Variants in PDGFRL observed in about 807,000 individuals in gnomAD.
PDGFRL encodes the protein platelet-derived growth factor receptor-like protein.
Under a neutral mutation model 37.2 loss-of-function variants are expected in PDGFRL, and 46 were observed. The ratio of observed to expected loss-of-function variants is 1.24; its 90% CI spans 0.98 to 1.58. The LOEUF (loss-of-function observed/expected upper bound fraction) is 1.58. Among genes scored for constraint, PDGFRL ranks in the 40% most tolerant of loss-of-function variants. The probability of loss-of-function intolerance (pLI) is 0.00; values close to 1 mark genes in which losing one functional copy is unlikely to be tolerated. For missense variants in PDGFRL, 692 were observed against 467.6 expected, an observed-to-expected ratio of 1.48 and a Z score of -4.43; for synonymous variants, 251 against 184.3, an observed-to-expected ratio of 1.36 and a Z score of -2.93.
chr8:17,629,172 C>A (rs142467923), intron 4 of PDGFRL, among the ~76,000 whole-genome samples: 100 of 150,488 alleles, frequency 6.6e-4, no homozygotes, highest in African/African-American at 2.4e-3. Flanking sequence ...TTAAACAATC[C>A]TTTGATCTTA....
intron 1 of PDGFRL, among the ~76,000 whole-genome samples, chr8:17,578,074 C>G (rs1803626775): frequency 6.6e-6 from 1 of 151,072 alleles, no homozygotes; most frequent in Non-Finnish European, 1.5e-5. Context: ...GTGTGTATTA[C>G]TGTGGTGTGT....
intron 1 of PDGFRL, among the ~76,000 whole-genome samples, chr8:17,582,423 A>G (rs960175151): frequency 6.6e-6 from 1 of 151,988 alleles, no homozygotes; most frequent in African/African-American, 2.4e-5. Flanking sequence ...CTCTATTACA[A>G]TACAAGAAGT....
intron 5 of PDGFRL, among the ~76,000 whole-genome samples, chr8:17,641,898 C>CCCCCCCCCCCCCCCCCCCCCCT: frequency 7.7e-6 from 1 of 129,858 alleles, no homozygotes; most frequent in Non-Finnish European, 1.6e-5. Context: ...AATAGAGGTC[C>CCCCCCCCCCCCCCCCCCCCCCT]CCGCCACATT....
intron 4 of PDGFRL, among the ~76,000 whole-genome samples, chr8:17,631,801 C>G (rs193203672): frequency 6.6e-6 from 1 of 152,212 alleles, no homozygotes; most frequent in East Asian, 1.9e-4. Flanking sequence ...CCACCTCCCC[C>G]ACAGCTTTCT....
At chr8:17,596,430 A>T in intron 2 of PDGFRL, 1 of 578,454 alleles carries the variant, frequency 1.7e-6, no homozygotes, top group Non-Finnish European at 2.5e-6. Flanking sequence ...AGATTCATGC[A>T]CTTTTTATAA....
At chr8:17,613,385 A>T (rs543994384) in intron 2 of PDGFRL, among the ~76,000 whole-genome samples, 1 of 152,314 alleles carries the variant, frequency 6.6e-6, no homozygotes, top group South Asian at 2.1e-4. Context: ...CAGAGGGTCA[A>T]AAAGAATGAT....
At chr8:17,630,788 G>A (rs562164551) in intron 4 of PDGFRL, among the ~76,000 whole-genome samples, 2 of 152,258 alleles carry the variant, frequency 1.3e-5, no homozygotes, top group East Asian at 3.9e-4. Flanking sequence ...TGACTCCAGT[G>A]GTTTGTCACA....
chr8:17,614,805 G>T (rs560269505), intron 2 of PDGFRL, among the ~76,000 whole-genome samples: 1 of 152,104 alleles, frequency 6.6e-6, no homozygotes, highest in South Asian at 2.1e-4. Context: ...AGCACAGAGC[G>T]TTCAAAGCAG....
chr8:17,616,086 A>G (rs545609346), intron 2 of PDGFRL, among the ~76,000 whole-genome samples: 1 of 152,354 alleles, frequency 6.6e-6, no homozygotes, highest in South Asian at 2.1e-4. Context: ...GCTGTAGCTA[A>G]GGACTCTGAA....
chr8:17,614,591 T>A (rs375168023), intron 2 of PDGFRL, among the ~76,000 whole-genome samples: 3 of 152,334 alleles, frequency 2.0e-5, no homozygotes, highest in East Asian at 3.9e-4. Flanking sequence ...TTTGTAAACT[T>A]GTTTAGAGAC....
intron 1 of PDGFRL, among the ~76,000 whole-genome samples, chr8:17,580,171 G>A (rs1307275807): frequency 6.6e-6 from 1 of 152,082 alleles, no homozygotes; most frequent in Non-Finnish European, 1.5e-5. Context: ...TTTTGCATCT[G>A]GTGAAAGGGG....
At chr8:17,579,904 T>A (rs1041788403) in intron 1 of PDGFRL, among the ~76,000 whole-genome samples, 6 of 152,110 alleles carry the variant, frequency 3.9e-5, no homozygotes, top group Admixed American at 3.9e-4. Context: ...AGATTCCACG[T>A]TGAGATGTCA....
intron 2 of PDGFRL, among the ~76,000 whole-genome samples, chr8:17,609,594 C>G (rs2517201): frequency 7.5e-6 from 1 of 134,044 alleles, no homozygotes; most frequent in African/African-American, 2.9e-5. Flanking sequence ...GCTGAGATCA[C>G]GCCACTGCAC....
intron 2 of PDGFRL, among the ~76,000 whole-genome samples, chr8:17,602,184 G>A (rs1315283722): frequency 6.6e-6 from 1 of 152,292 alleles, no homozygotes; most frequent in East Asian, 1.9e-4. Flanking sequence ...TCTCATTGTG[G>A]ATTTGGTTTG....
intron 2 of PDGFRL, among the ~76,000 whole-genome samples, chr8:17,590,421 A>G (rs139851985): frequency 1.1e-3 from 163 of 151,780 alleles, no homozygotes; most frequent in African/African-American, 3.9e-3. Flanking sequence ...TTAAAAATTC[A>G]TATTGTGTGG....
chr8:17,633,097 T>TC (rs1388232710), intron 4 of PDGFRL, among the ~76,000 whole-genome samples: 2 of 152,100 alleles, frequency 1.3e-5, no homozygotes, highest in Non-Finnish European at 2.9e-5. Flanking sequence ...TCCATCACCC[T>TC]CCCTGCTCTA....
In PDGFRL at chr8:17,627,989, C is replaced by CTTTTT. The variant is rs35707610; in HGVS notation, c.506-480_506-476dup. ...GATACCTTTTCTGTTTTCTTTCTTT[C>CTTTTT]TTTTTTTTTTTTTTTTTTTTTTGAG... On this transcript the variant is annotated intron_variant, in intron 3 of 5. Coordinates refer to ENST00000251630, the MANE Select transcript of PDGFRL (RefSeq NM_001372073.1). Among the ~76,000 whole-genome samples, 379 of 89,190 alleles carry CTTTTT rather than the reference C, an allele frequency of 4.2e-3. 1 individual carries two copies. Among genetic ancestry groups the CTTTTT allele is most frequent in the Non-Finnish European group, 5.3e-3 (262 of 49,686 alleles). The allele number at this position is 89,190 out of a possible 152,430, so 58.5% of individuals were successfully genotyped here. A position where few individuals can be genotyped will look rare whatever the true frequency, so the allele number is the denominator to read the frequency against.
intron 1 of PDGFRL, among the ~76,000 whole-genome samples, chr8:17,578,169 G>A (rs1292356109): frequency 6.6e-6 from 1 of 151,990 alleles, no homozygotes; most frequent in African/African-American, 2.4e-5. Flanking sequence ...GTTTCATCTG[G>A]GTGCCTCCTG....
Position 17,621,092 on chromosome 8 carries a change from A to C in PDGFRL, c.395A>C (p.Asn132Thr). The C allele has an allele frequency of 1.2e-6, 2 of 1,611,292 alleles. No individual in the cohort carries two copies. Among genetic ancestry groups the C allele is most frequent in the African/African-American group, 1.3e-5 (1 of 74,778 alleles). The change falls in exon 3 of 6, where the codon AAC (asparagine) becomes ACC (threonine). Residue 132 changes from asparagine (N) to threonine (T), a missense_variant. Coordinates refer to ENST00000251630, the MANE Select transcript of PDGFRL (RefSeq NM_001372073.1). ...NERYGQLTLV[N>T]STSADTGEFS... ...CGCTACGGCCAGTTGACTCTGGTCAACTCCACCTCGGCAGACACAGGTGAA... is the reference window on the plus strand; with the variant it reads ...CGCTACGGCCAGTTGACTCTGGTCACCTCCACCTCGGCAGACACAGGTGAA...
Sources: allele counts gnomAD v4.1 joint callset (sites outside exome capture counted in the v4.1 genomes callset), GRCh38; gene constraint gnomAD v4.1.1; transcripts MANE v1.5; gene names NCBI Gene and HGNC (gene_info 2026-07-23, HGNC 2026-07-21).